Variants in CBX7 observed in about 807,000 individuals in gnomAD.
CBX7 encodes chromobox protein homolog 7.
A neutral mutation model predicts 31.4 loss-of-function variants in CBX7; 14 were observed. The observed-to-expected ratio is 0.45, with a 90% CI of 0.29 to 0.70. CBX7 has a LOEUF of 0.70. Ranked by LOEUF, CBX7 falls within the 30% of genes least tolerant of loss-of-function variation. CBX7 has a pLI of 0.11. For missense variants in CBX7, 269 were observed against 351.9 expected (o/e 0.76, Z 1.89); for synonymous variants, 159 against 152.6 (o/e 1.04, Z -0.31).
At chr22:39,148,690 C>A (rs1045474687) in intron 2 of CBX7, 2 of 152,504 alleles carry the variant, frequency 1.3e-5, no homozygotes, top group African/African-American at 4.8e-5. Context: ...CTCCCAACCC[C>A]TGTCATCAGG....
At chr22:39,138,160 G>A (rs1930322393) in intron 4 of CBX7, among the ~76,000 whole-genome samples, 1 of 147,372 alleles carries the variant, frequency 6.8e-6, no homozygotes, top group South Asian at 2.1e-4. Context: ...TCCAGCCTGA[G>A]CGACAGAGCG....
rs767601010 is a variant in CBX7 at position 39,138,754 on chromosome 22, G to T, written c.180-52C>A. On this transcript the variant is annotated intron_variant, in intron 3 of 5. Transcript: ENST00000216133. Reference sequence around the variant, plus strand: ...AAAAGGAAACACTGGTGACATCTAAGGGAAGGGAAGGCATCCGCTTCGCCC... The same window carrying T: ...AAAAGGAAACACTGGTGACATCTAATGGAAGGGAAGGCATCCGCTTCGCCC... 7.1e-6 allele frequency: 11 copies of T among 1,540,690 alleles called. No homozygotes were observed. The African/African-American group carries it at 1.5e-4, about 21-fold the overall frequency.
At position 39,152,472 on chromosome 22, in the gene CBX7, GC is replaced by G. The variant is rs973780859; in HGVS notation, c.-29del. ...GGGGCGGCGGGCGAGCGGGCCCGGG[GC>G]CGGGCCGGGCCGGGGGCGGAGCTGC... On this transcript the variant is annotated 5_prime_UTR_variant, in exon 1 of 6. Coordinates refer to ENST00000216133, the MANE Select transcript of CBX7 (RefSeq NM_175709.5). This position sits in a 1 kb window ranked among gnomAD's most constrained non-coding sequence, Gnocchi z 4.9. 5 of 992,944 alleles carry G rather than the reference GC, an allele frequency of 5.0e-6. No individual in the cohort carries two copies. The African/African-American group carries it at 7.0e-5, about 14-fold the overall frequency. The allele number at this position is 992,944 out of a possible 1,614,324, so 61.5% of individuals were successfully genotyped here.
Position 39,130,915 on chromosome 22 carries a change from G to T in CBX7, c.*2976C>A, listed in dbSNP as rs1021482330. ...TAAAACCGCGCTCTACATCCACTCT[G>T]ACTCTCCCAGCACACACACACTCAG... On this transcript the variant is annotated 3_prime_UTR_variant, in exon 6 of 6. Transcript: ENST00000216133. 7.9e-5 allele frequency: 12 copies of T among 152,416 alleles called. No homozygotes were observed. Among genetic ancestry groups the T allele is most frequent in the African/African-American group, 2.7e-4 (11 of 41,330 alleles). 9.4% of individuals were successfully genotyped at this position (152,416 alleles called of 1,614,324 possible).
At chr22:39,142,314 T>A (rs764793861) in intron 2 of CBX7, among the ~76,000 whole-genome samples, 14 of 151,932 alleles carry the variant, frequency 9.2e-5, no homozygotes, top group Non-Finnish European at 1.8e-4. Flanking sequence ...CCAAACCCCA[T>A]CCCCATCCCC....
chr22:39,135,010 AC>A (rs1271850559), intron 4 of CBX7: 1 of 453,690 alleles, frequency 2.2e-6, no homozygotes, highest in African/African-American at 2.0e-5. Flanking sequence ...CTCCTTTGAT[AC>A]CCAGCAGAGA....
At position 39,146,008 on chromosome 22, in the gene CBX7, C is replaced by A. The variant is rs113658502; in HGVS notation, c.113+3781G>T. 3.3e-5 allele frequency among the ~76,000 whole-genome samples: 5 copies of A among 152,256 alleles called. No homozygotes were observed. The South Asian group carries it at 8.3e-4, about 25-fold the overall frequency. ...TTGGGGCAGGTGGAACCACCCGGAA[C>A]CCCGCAGAGCCAGGCCAACCCCCAA... is the stretch of plus-strand genomic sequence containing the variant. On this transcript the variant is annotated intron_variant, in intron 2 of 5. Transcript: ENST00000216133.
Position 39,149,776 on chromosome 22 carries a change from T to A in CBX7, c.113+13A>T, listed in dbSNP as rs369984674. 48 of 1,612,952 alleles carry A rather than the reference T, an allele frequency of 3.0e-5. No individual in the cohort carries two copies. In the African/African-American group the frequency reaches 4.0e-4, roughly 13 times the overall value. ...AGGCAGACAGACAGACACACACACA[T>A]GAAGGAGCTTACTTTGGGGGCCATC... On this transcript the variant is annotated intron_variant, in intron 2 of 5. Coordinates refer to ENST00000216133, the MANE Select transcript of CBX7 (RefSeq NM_175709.5).
intron 2 of CBX7, 50 bp from the exon 3 acceptor site, chr22:39,141,486 T>C (rs1411162714): frequency 4.0e-6 from 6 of 1,516,440 alleles, no homozygotes; most frequent in African/African-American, 1.4e-5. Context: ...CGGTGGCTCA[T>C]GCCTGTAATC....
rs1213371687 is a variant in CBX7, at chr22:39,152,400, G to A, written c.45C>T (p.Ser15=). 1.4e-6 allele frequency: 2 copies of A among 1,380,216 alleles called. No homozygotes were observed. Among genetic ancestry groups the A allele is most frequent in the South Asian group, 1.6e-5 (1 of 61,792 alleles). The allele number at this position is 1,380,216 out of a possible 1,614,324, so 85.5% of individuals were successfully genotyped here. Residue 15 remains serine (S), a synonymous_variant, in exon 1 of 6, where the codon AGC becomes AGT. Transcript: ENST00000216133. The surrounding 1 kb of genome is among the most constrained non-coding windows in gnomAD (Gnocchi z 4.9). ...AIGEQVFAVE[S]IRKKRVRKGK... ...CCTTCCGCACGCGCTTCTTCCGGAT[G>A]CTCTCCACGGCGAACACCTGCTCGC...
chr22:39,148,599 C>T (rs1930742777), intron 2 of CBX7: 1 of 152,230 alleles, frequency 6.6e-6, no homozygotes, highest in Non-Finnish European at 1.5e-5. Flanking sequence ...AGGGATTCTC[C>T]TTCAGCCCTC....
In CBX7 at chr22:39,149,898, G is replaced by C. The variant is rs1035719521; in HGVS notation, c.70-66C>G. The C allele has an allele frequency of 3.0e-6, 4 of 1,329,980 alleles. No homozygotes were observed. The African/African-American group carries it at 4.3e-5, about 14-fold the overall frequency. 82.4% of individuals were successfully genotyped at this position (1,329,980 alleles called of 1,614,324 possible). ...GCCCCTACAGCCACTCGGAAGGACAGTTAAGGCCCAAAGGAGCCCAGCTCC... is the reference window on the plus strand; with the variant it reads ...GCCCCTACAGCCACTCGGAAGGACACTTAAGGCCCAAAGGAGCCCAGCTCC... On this transcript the variant is annotated intron_variant, in intron 1 of 5. Coordinates refer to ENST00000216133, the MANE Select transcript of CBX7 (RefSeq NM_175709.5).
At chr22:39,146,721 T>C (rs1930673613) in intron 2 of CBX7, among the ~76,000 whole-genome samples, 1 of 152,256 alleles carries the variant, frequency 6.6e-6, no homozygotes. Flanking sequence ...GCCTGATTCA[T>C]AATAGGGGCT....
chr22:39,146,619 A>C (rs988035357), intron 2 of CBX7, among the ~76,000 whole-genome samples: 2 of 152,268 alleles, frequency 1.3e-5, no homozygotes, highest in African/African-American at 4.8e-5. Flanking sequence ...ACATCTGCCC[A>C]GCTCTATGAC....
chr22:39,140,611 C>A lies in CBX7; in HGVS notation c.179+760G>T, dbSNP rs1930418832. 2.6e-5 allele frequency among the ~76,000 whole-genome samples: 4 copies of A among 152,170 alleles called. No individual in the cohort carries two copies. The South Asian group carries it at 6.2e-4, about 24-fold the overall frequency. ...CAGTTTCCTTCTCTGTCAAACAAAA[C>A]CCTCATTCCTGCCTCAGGAGGTTGC... On this transcript the variant is annotated intron_variant, in intron 3 of 5. Transcript: ENST00000216133.
Position 39,133,366 on chromosome 22 carries a change from C to G in CBX7, c.*525G>C, listed in dbSNP as rs915362841. 1 of 152,346 alleles carries G rather than the reference C, an allele frequency of 6.6e-6. No individual in the cohort carries two copies. Among genetic ancestry groups the G allele is most frequent in the Admixed American group, 6.5e-5 (1 of 15,284 alleles). 9.4% of individuals were successfully genotyped at this position (152,346 alleles called of 1,614,324 possible). On this transcript the variant is annotated 3_prime_UTR_variant, in exon 6 of 6. Coordinates refer to ENST00000216133, the MANE Select transcript of CBX7 (RefSeq NM_175709.5). ...AAGCCTCTCTGAAGGGGAAGGGACT[C>G]GCCCCAAGTAACCTCAACCCTTCCT...
rs937642407 is a variant in CBX7, at chr22:39,132,433, C to T, written c.*1458G>A. The T allele has an allele frequency of 6.6e-6, 1 of 152,458 alleles. No homozygotes were observed. Among genetic ancestry groups the T allele is most frequent in the Non-Finnish European group, 1.5e-5 (1 of 68,256 alleles). The allele number at this position is 152,458 out of a possible 1,614,324, so 9.4% of individuals were successfully genotyped here. On this transcript the variant is annotated 3_prime_UTR_variant, in exon 6 of 6. Transcript: ENST00000216133. The stretch of plus-strand genomic sequence containing the variant: ...TTTTCCATGCTCCCCTTGGGCCCCC[C>T]AATCTGGTTTTGTCTCCCCTACAGG...
chr22:39,151,210 C>A (rs776522533), intron 1 of CBX7, among the ~76,000 whole-genome samples: 9 of 152,224 alleles, frequency 5.9e-5, no homozygotes, highest in Admixed American at 1.3e-4. Flanking sequence ...TAAATCAATT[C>A]TCTTTTAAGT....
chr22:39,141,809 C>T (rs1378144958), intron 2 of CBX7, among the ~76,000 whole-genome samples: 1 of 152,016 alleles, frequency 6.6e-6, no homozygotes, highest in Admixed American at 6.6e-5. Context: ...GAGGCCACTG[C>T]TGCTGACCCA....
Sources: gnomAD v4.1 joint callset for allele counts (sites outside exome capture counted in the v4.1 genomes callset) on GRCh38, gnomAD v4.1.1 for gene constraint, Gnocchi (gnomAD v3.1) non-coding constraint, MANE v1.5 for transcripts, NCBI Gene and HGNC (gene_info 2026-07-23, HGNC 2026-07-21) for gene names.